Variants in HHLA1 observed in about 807,000 individuals in gnomAD.
The protein encoded by HHLA1 is HERV-H LTR-associating protein 1.
A neutral mutation model predicts 69.9 loss-of-function variants in HHLA1; 72 were observed. The ratio of observed to expected loss-of-function variants is 1.03; its 90% CI spans 0.85 to 1.25. The LOEUF (loss-of-function observed/expected upper bound fraction) is 1.25. HHLA1 is among the 50% of genes most tolerant of loss of function. The pLI is 0.00. For synonymous variants in HHLA1, 252 were observed against 233.2 expected, an observed-to-expected ratio of 1.08 and a Z score of -0.73; for missense variants, 685 against 642.2, an observed-to-expected ratio of 1.07 and a Z score of -0.72.
At chr8:132,083,177 G>A (rs980069062) in intron 10 of HHLA1, among the ~76,000 whole-genome samples, 3 of 152,074 alleles carry the variant, frequency 2.0e-5, no homozygotes, top group Non-Finnish European at 4.4e-5. Flanking sequence ...AATAGTCAGG[G>A]AAGCAGATAA....
intron 14 of HHLA1, among the ~76,000 whole-genome samples, chr8:132,072,513 T>C (rs1022204754): frequency 6.6e-6 from 1 of 152,074 alleles, no homozygotes; most frequent in Non-Finnish European, 1.5e-5. Flanking sequence ...ACAAAATGAA[T>C]AAGAAGAAAA....
chr8:132,087,936 C>T (rs1043223100), intron 8 of HHLA1, 35 bp from the exon 9 acceptor site: 1 of 1,474,298 alleles, frequency 6.8e-7, no homozygotes. Context: ...AAGACTTAGC[C>T]ATGGGTCTGA....
intron 1 of HHLA1, among the ~76,000 whole-genome samples, chr8:132,109,986 C>A (rs1197123477): frequency 6.6e-6 from 1 of 152,138 alleles, no homozygotes; most frequent in African/African-American, 2.4e-5. Context: ...GTCACAGCAG[C>A]CCTGGAGCCG....
intron 7 of HHLA1, among the ~76,000 whole-genome samples, chr8:132,090,845 G>A (rs866208003): frequency 8.9e-5 from 13 of 146,518 alleles, no homozygotes; most frequent in Admixed American, 1.4e-4. Context: ...TGCAAGTTCC[G>A]CCTCCCAGGT....
At chr8:132,107,122 A>T (rs983585351) in intron 1 of HHLA1, among the ~76,000 whole-genome samples, 5 of 151,836 alleles carry the variant, frequency 3.3e-5, no homozygotes, top group African/African-American at 1.2e-4. Context: ...TTCTGTATCT[A>T]TTTCAGAACT....
chr8:132,100,021 A>G, intron 4 of HHLA1, 54 bp downstream of exon 4: 1 of 1,338,246 alleles, frequency 7.5e-7, no homozygotes, highest in Admixed American at 2.0e-5. Flanking sequence ...AGAGAAGTGG[A>G]GGAATTGCTC....
chr8:132,064,336 C>T lies in HHLA1; in HGVS notation c.1553-298G>A, dbSNP rs908386593. ...ATCTAACGCATCTCTAGAGCTTGCA[C>T]GAGGCTAATTTAAACTCATTAATAA... On this transcript the variant is annotated intron_variant, in intron 16 of 16. Coordinates refer to ENST00000414222, the MANE Select transcript of HHLA1 (RefSeq NM_001145095.3). 4.6e-5 allele frequency among the ~76,000 whole-genome samples: 7 copies of T among 152,128 alleles called. No homozygotes were observed. The East Asian group carries it at 7.7e-4, about 17-fold the overall frequency.
intron 7 of HHLA1, among the ~76,000 whole-genome samples, chr8:132,090,734 A>T (rs981841387): frequency 6.7e-5 from 10 of 150,118 alleles, no homozygotes; most frequent in Non-Finnish European, 5.9e-5. Context: ...GTAGGCAAAC[A>T]TGGGCACCCT....
At chr8:132,091,578 C>T (rs1386038053) in intron 7 of HHLA1, among the ~76,000 whole-genome samples, 1 of 152,208 alleles carries the variant, frequency 6.6e-6, no homozygotes, top group Non-Finnish European at 1.5e-5. Flanking sequence ...TTATTATTAA[C>T]TCAAAGATAT....
chr8:132,085,888 TG>T, intron 10 of HHLA1, among the ~76,000 whole-genome samples: 1 of 151,196 alleles, frequency 6.6e-6, no homozygotes, highest in South Asian at 2.1e-4. Flanking sequence ...TCAGTTAAGG[TG>T]GGGCAGGGCA....
At chr8:132,073,969 A>G (rs1308076687) in intron 14 of HHLA1, among the ~76,000 whole-genome samples, 1 of 152,080 alleles carries the variant, frequency 6.6e-6, no homozygotes, top group Non-Finnish European at 1.5e-5. Flanking sequence ...GTTCCTCCCC[A>G]TTCTGCAGTC....
chr8:132,095,612 G>C lies in HHLA1; in HGVS notation c.365-10C>G. ...GTCTTCAGGTTAGAAACTGTGAAGAGAAAGGATTCAACAGAGATCCTAACA... is the reference window on the plus strand; with the variant it reads ...GTCTTCAGGTTAGAAACTGTGAAGACAAAGGATTCAACAGAGATCCTAACA... On this transcript the variant is annotated splice_polypyrimidine_tract_variant and intron_variant, in intron 6 of 16. Coordinates refer to ENST00000414222, the MANE Select transcript of HHLA1 (RefSeq NM_001145095.3). 2 of 1,540,306 alleles carry C rather than the reference G, an allele frequency of 1.3e-6. No individual in the cohort carries two copies. Among genetic ancestry groups the C allele is most frequent in the Non-Finnish European group, 1.8e-6 (2 of 1,136,650 alleles).
chr8:132,071,409 A>G lies in HHLA1; in HGVS notation c.1400T>C (p.Met467Thr), dbSNP rs1823540374. Reference protein sequence around the residue: ...LAIQRLNPCLMELCQFFQQCL... With the variant: ...LAIQRLNPCLTELCQFFQQCL... ...TTGCTGGAAGAATTGGCACAGCTCC[A>G]TCAGGCATGGGTTGAGCCTCTGAAT... The change falls in exon 15 of 17, where the codon ATG becomes ACG. Residue 467 changes from methionine to threonine, a missense_variant. Coordinates refer to ENST00000414222, the MANE Select transcript of HHLA1 (RefSeq NM_001145095.3). 2 of 1,551,690 alleles carry G rather than the reference A, an allele frequency of 1.3e-6. No homozygotes were observed. The highest frequency in any genetic ancestry group is 2.4e-5 in the East Asian group (1 of 40,926).
At chr8:132,064,435 T>C (rs1003628861) in intron 16 of HHLA1, among the ~76,000 whole-genome samples, 2 of 152,216 alleles carry the variant, frequency 1.3e-5, no homozygotes, top group African/African-American at 2.4e-5. Context: ...TATTGAATTA[T>C]GTGTTTGCAA....
At chr8:132,097,437 C>T (rs1301670609) in intron 5 of HHLA1, among the ~76,000 whole-genome samples, 1 of 152,180 alleles carries the variant, frequency 6.6e-6, no homozygotes, top group Non-Finnish European at 1.5e-5. Context: ...ATGGGCACGC[C>T]TCAACGTCTG....
intron 1 of HHLA1, among the ~76,000 whole-genome samples, chr8:132,105,760 G>A (rs1418676141): frequency 2.6e-5 from 4 of 152,196 alleles, no homozygotes; most frequent in Non-Finnish European, 5.9e-5. Context: ...GAATGTAGAG[G>A]GGGATGCATA....
Position 132,087,702 on chromosome 8 carries a change from T to G in HHLA1, c.627A>C (p.Lys209Asn). The stretch of plus-strand genomic sequence containing the variant: ...TAAATGTGTAATTGATAATGGGATA[T>G]TTTTCTTCTATCTCCCAGAAGTCAG... Reference protein sequence around the residue: ...NLSDFWEIEEKYPIINYTFTS... With the variant: ...NLSDFWEIEENYPIINYTFTS... The change falls in exon 10 of 17, where the codon AAA becomes AAC. Residue 209 changes from lysine (K) to asparagine (N), a missense_variant. Physicochemically the swap from Lys to Asn is moderately conservative, Grantham distance 94 (BLOSUM62 0). Coordinates refer to ENST00000414222, the MANE Select transcript of HHLA1 (RefSeq NM_001145095.3). 3.2e-6 allele frequency: 5 copies of G among 1,551,548 alleles called. No homozygotes were observed. The highest frequency in any genetic ancestry group is 3.5e-6 in the Non-Finnish European group (4 of 1,146,890).
rs777449652 is a variant in HHLA1, at chr8:132,077,985, G to A, written c.926-14C>T. On this transcript the variant is annotated splice_polypyrimidine_tract_variant and intron_variant, in intron 11 of 16. Transcript: ENST00000414222. ...CCCTCCTGGTAGCTGCACATTCAAA[G>A]TGACAGTAACAGGGTACAGACATGC... 6 of 1,551,388 alleles carry A rather than the reference G, an allele frequency of 3.9e-6. No individual in the cohort carries two copies. Among genetic ancestry groups the A allele is most frequent in the Admixed American group, 3.9e-5 (2 of 50,978 alleles).
intron 10 of HHLA1, among the ~76,000 whole-genome samples, chr8:132,083,477 G>A (rs1262509760): frequency 1.3e-5 from 2 of 152,130 alleles, no homozygotes; most frequent in Non-Finnish European, 2.9e-5. Context: ...GGGGGCTTCC[G>A]AGGCAATCGG....
Sources: allele counts gnomAD v4.1 joint callset (sites outside exome capture counted in the v4.1 genomes callset), GRCh38; gene constraint gnomAD v4.1.1; transcripts MANE v1.5; gene names NCBI Gene and HGNC (gene_info 2026-07-23, HGNC 2026-07-21).